Variants in PTPRN2 observed in about 807,000 individuals in gnomAD.
PTPRN2 encodes protein tyrosine phosphatase receptor type N2.
Under a neutral mutation model 118.8 loss-of-function variants are expected in PTPRN2, and 74 were observed. The ratio of observed to expected loss-of-function variants is 0.62; its 90% CI spans 0.52 to 0.76. The LOEUF (loss-of-function observed/expected upper bound fraction) is 0.76. PTPRN2 is among the 30% of genes least tolerant of loss of function. The pLI is 0.00. For missense variants in PTPRN2, 1,481 were observed against 1,394.4 expected, an observed-to-expected ratio of 1.06 and a Z score of -0.99; for synonymous variants, 641 against 608.0, an observed-to-expected ratio of 1.05 and a Z score of -0.80.
intron 11 of PTPRN2, among the ~76,000 whole-genome samples, chr7:158,016,474 T>C (rs1806469502): frequency 6.6e-6 from 1 of 152,166 alleles, no homozygotes; most frequent in Non-Finnish European, 1.5e-5. Context: ...ATGGCTGACT[T>C]CCTCTCTGAA....
At chr7:158,145,680 G>A (rs922669345) in intron 6 of PTPRN2, among the ~76,000 whole-genome samples, 1 of 152,234 alleles carries the variant, frequency 6.6e-6, no homozygotes, top group Non-Finnish European at 1.5e-5. Flanking sequence ...GGCTGCAGCT[G>A]CCTGCACACT....
intron 1 of PTPRN2, among the ~76,000 whole-genome samples, chr7:158,580,358 T>C (rs1230604924): frequency 6.6e-6 from 1 of 152,264 alleles, no homozygotes; most frequent in Non-Finnish European, 1.5e-5. Flanking sequence ...GCATGATTAA[T>C]ATGAAGTCCT....
chr7:158,171,564 T>C (rs1222059402), intron 5 of PTPRN2, among the ~76,000 whole-genome samples: 1 of 151,916 alleles, frequency 6.6e-6, no homozygotes, highest in Non-Finnish European at 1.5e-5. Flanking sequence ...TTGGTCAGGC[T>C]GGTCTCAAAC....
chr7:158,399,003 T>C (rs964903859), intron 2 of PTPRN2, among the ~76,000 whole-genome samples: 3 of 152,218 alleles, frequency 2.0e-5, no homozygotes, highest in Non-Finnish European at 4.4e-5. Context: ...GAGTTATAAA[T>C]GTCTTATGTA....
intron 12 of PTPRN2, among the ~76,000 whole-genome samples, chr7:157,700,907 G>A (rs984641713): frequency 4.6e-5 from 7 of 152,300 alleles, no homozygotes; most frequent in South Asian, 2.1e-4. Context: ...GTTTGAGGTC[G>A]AATGCTGAGT....
chr7:158,259,211 A>T (rs1018195643), intron 3 of PTPRN2, among the ~76,000 whole-genome samples: 9 of 152,212 alleles, frequency 5.9e-5, no homozygotes, highest in African/African-American at 2.2e-4. Context: ...TGCACAAATA[A>T]ATGACAAATG....
chr7:158,458,490 G>A lies in PTPRN2; in HGVS notation c.163+31245C>T, dbSNP rs192805128. 7.7e-3 allele frequency among the ~76,000 whole-genome samples: 1,178 copies of A among 152,146 alleles called. 19 individuals are homozygous for A. The highest frequency in any genetic ancestry group is 0.026 in the African/African-American group (1,092 of 41,504). On this transcript the variant is annotated intron_variant, in intron 2 of 22. Coordinates refer to ENST00000389418, the MANE Select transcript of PTPRN2 (RefSeq NM_002847.5). ...ACCCGGATCTTTTAAAGCTCCCCCG[G>A]TTTTTAAAAGCTCTAATAGTCAGCA...
intron 12 of PTPRN2, among the ~76,000 whole-genome samples, chr7:157,740,997 A>T (rs936654631): frequency 6.6e-6 from 1 of 152,168 alleles, no homozygotes; most frequent in Non-Finnish European, 1.5e-5. Flanking sequence ...AGAGAGGAAA[A>T]AATAATCAAA....
intron 12 of PTPRN2, among the ~76,000 whole-genome samples, chr7:157,847,185 A>T (rs1274320676): frequency 1.6e-5 from 2 of 127,912 alleles, no homozygotes; most frequent in Non-Finnish European, 1.6e-5. Context: ...CTCTCACTCC[A>T]TCACGTGTGC....
chr7:157,816,148 T>A (rs988276221), intron 12 of PTPRN2, among the ~76,000 whole-genome samples: 1 of 152,174 alleles, frequency 6.6e-6, no homozygotes, highest in Admixed American at 6.5e-5. Flanking sequence ...CAGAATTCCA[T>A]GAATTGCAGC....
chr7:158,407,120 C>CCGGG (rs1563254017), intron 2 of PTPRN2, among the ~76,000 whole-genome samples: 7 of 150,552 alleles, frequency 4.6e-5, no homozygotes, highest in African/African-American at 1.5e-4. Context: ...GTCCTGCGTC[C>CCGGG]TGGGTCCTGG....
intron 11 of PTPRN2, among the ~76,000 whole-genome samples, chr7:157,961,484 G>C (rs1234622853): frequency 6.6e-6 from 1 of 151,470 alleles, no homozygotes; most frequent in African/African-American, 2.4e-5. Flanking sequence ...AGTGAGTTGA[G>C]ATTGTGCCAC....
chr7:158,384,356 G>A (rs949082200), intron 2 of PTPRN2, among the ~76,000 whole-genome samples: 9 of 152,158 alleles, frequency 5.9e-5, no homozygotes, highest in African/African-American at 2.2e-4. Context: ...GCCGGGATGT[G>A]GGGACCGCGG....
At chr7:158,515,394 T>A (rs1363261212) in intron 1 of PTPRN2, among the ~76,000 whole-genome samples, 2 of 151,912 alleles carry the variant, frequency 1.3e-5, no homozygotes, top group East Asian at 3.9e-4. Context: ...TCCATGTTGG[T>A]CAGGCTAGTC....
rs375210924 is a variant in PTPRN2 at position 158,263,102 on chromosome 7, GCA to G, written c.277+53715_277+53716del. Among the ~76,000 whole-genome samples the G allele has an allele frequency of 8.2e-3, 841 of 102,164 alleles. 11 individuals carry two copies. The highest frequency in any genetic ancestry group is 0.026 in the African/African-American group (586 of 22,388). 67.0% of individuals were successfully genotyped at this position (102,164 alleles called of 152,430 possible). A position where few individuals can be genotyped will look rare whatever the true frequency, so the allele number is the denominator to read the frequency against. The stretch of plus-strand genomic sequence containing the variant: ...CACACACCACACACATTCACACACT[GCA>G]CACACACACTGCACACACATACACA... On this transcript the variant is annotated intron_variant, in intron 3 of 22. Transcript: ENST00000389418.
intron 11 of PTPRN2, among the ~76,000 whole-genome samples, chr7:157,956,589 T>A (rs2068222): frequency 3.9e-5 from 6 of 152,288 alleles, no homozygotes; most frequent in African/African-American, 1.4e-4. Context: ...CTGCACACAG[T>A]GAACAAAAGC....
chr7:157,870,644 C>T (rs951709791), intron 12 of PTPRN2, among the ~76,000 whole-genome samples: 9 of 152,336 alleles, frequency 5.9e-5, no homozygotes, highest in African/African-American at 2.2e-4. Flanking sequence ...GAAATCCATG[C>T]ATAGTTTTCC....
chr7:158,025,485 G>T (rs116667368), intron 11 of PTPRN2, among the ~76,000 whole-genome samples: 331 of 152,166 alleles, frequency 2.2e-3, no homozygotes, highest in African/African-American at 7.4e-3. Flanking sequence ...TGGCCAACTT[G>T]GTTTACTTCT....
intron 6 of PTPRN2, among the ~76,000 whole-genome samples, chr7:158,146,720 CAA>C (rs1380414832): frequency 4.0e-4 from 35 of 88,574 alleles, no homozygotes; most frequent in Admixed American, 5.3e-4. Context: ...GACTCTGCCT[CAA>C]AAAAAAAAAA....
Sources: gnomAD v4.1 joint callset for allele counts (sites outside exome capture counted in the v4.1 genomes callset) on GRCh38, gnomAD v4.1.1 for gene constraint, MANE v1.5 for transcripts, NCBI Gene and HGNC (gene_info 2026-07-23, HGNC 2026-07-21) for gene names.